ATP6V0A4: variants seen among roughly 807,000 people sequenced by gnomAD.
The protein encoded by ATP6V0A4 is V-type proton ATPase 116 kDa subunit a 4.
ATP6V0A4 carries 86 observed loss-of-function variants against 107.3 expected under a neutral mutation model. The observed-to-expected ratio is 0.80, with a 90% CI of 0.67 to 0.96. ATP6V0A4 has a LOEUF of 0.96. Among genes scored for constraint, ATP6V0A4 ranks in the 40% least tolerant of loss-of-function variants. The pLI is 0.00. For missense variants in ATP6V0A4, 908 were observed against 1,045.6 expected (o/e 0.87, Z 1.81); for synonymous variants, 353 against 381.4 (o/e 0.93, Z 0.87).
At chr7:138,711,606 C>T (rs1030452269) in intron 20 of ATP6V0A4, among the ~76,000 whole-genome samples, 5 of 152,178 alleles carry the variant, frequency 3.3e-5, no homozygotes, top group Admixed American at 2.0e-4. Flanking sequence ...GCTTGCTGCC[C>T]CCCAAGATCT....
At chr7:138,742,823 G>A (rs544078207) in intron 14 of ATP6V0A4, among the ~76,000 whole-genome samples, 24 of 146,366 alleles carry the variant, frequency 1.6e-4, no homozygotes, top group Non-Finnish European at 2.5e-4. Flanking sequence ...GTGAGCCACC[G>A]TGCTCAACCT....
intron 17 of ATP6V0A4, 72 bp from the exon 18 acceptor site, chr7:138,728,934 A>C: frequency 1.2e-6 from 2 of 1,611,208 alleles, no homozygotes; most frequent in Non-Finnish European, 8.5e-7. Context: ...GATGAAAATG[A>C]CCACTATGGG....
At chr7:138,718,102 C>CTCAGGAAGGAGTG (rs1804163722) in intron 19 of ATP6V0A4, among the ~76,000 whole-genome samples, 2 of 2,072 alleles carry the variant, frequency 9.7e-4, no homozygotes, top group Non-Finnish European at 1.8e-3. Flanking sequence ...GAATGGGGGG[C>CTCAGGAAGGAGTG]GGGGGTGCAG....
chr7:138,713,007 G>A (rs1338806425), intron 20 of ATP6V0A4, among the ~76,000 whole-genome samples: 1 of 152,076 alleles, frequency 6.6e-6, no homozygotes, highest in African/African-American at 2.4e-5. Flanking sequence ...GTAAAGACAT[G>A]CGGCCGGGCG....
chr7:138,739,730 A>G, intron 14 of ATP6V0A4, 97 bp from the exon 15 acceptor site: 1 of 1,552,706 alleles, frequency 6.4e-7, no homozygotes, highest in South Asian at 1.2e-5. Context: ...TCAAAGTCCA[A>G]CTACTGGTGC....
Position 138,763,023 on chromosome 7 carries a change from A to T in ATP6V0A4, c.294T>A (p.Thr98=), listed in dbSNP as rs150284936. 2.5e-6 allele frequency: 4 copies of T among 1,614,142 alleles called. No homozygotes were observed. In the African/African-American group the frequency reaches 5.3e-5, roughly 22 times the overall value. The change falls in exon 6 of 22, where the codon ACT becomes ACA. Residue 98 remains threonine, a splice_region_variant and synonymous_variant. Transcript: ENST00000310018. ...ACTCTCCTTCCAGTTTTTCTAGAAC[A>T]GTCTATGCAGGAAGGAAAAAGAAGG... ...PLPREMITLE[T]VLEKLEGELQ... is the part of the protein sequence containing the mutation.
chr7:138,725,459 A>G (rs530735542), intron 18 of ATP6V0A4, among the ~76,000 whole-genome samples: 16 of 152,312 alleles, frequency 1.1e-4, no homozygotes, highest in African/African-American at 3.8e-4. Flanking sequence ...ACAGTCCTGG[A>G]GGTCAGCACA....
At chr7:138,777,841 G>A (rs1393280818) in intron 2 of ATP6V0A4, among the ~76,000 whole-genome samples, 1 of 152,162 alleles carries the variant, frequency 6.6e-6, no homozygotes, top group Non-Finnish European at 1.5e-5. Flanking sequence ...ACACAGAGGT[G>A]AGTTCTCTGG....
At chr7:138,723,771 C>A (rs1804561376) in intron 18 of ATP6V0A4, among the ~76,000 whole-genome samples, 1 of 151,778 alleles carries the variant, frequency 6.6e-6, no homozygotes, top group Admixed American at 6.6e-5. Context: ...GGTGATCCAC[C>A]TGCCTCGGCC....
chr7:138,763,539 A>G (rs73166964), intron 5 of ATP6V0A4, among the ~76,000 whole-genome samples: 1 of 152,046 alleles, frequency 6.6e-6, no homozygotes, highest in African/African-American at 2.4e-5. Context: ...GAGGCAGGAG[A>G]GTTATTTGAA....
chr7:138,739,596 C>G lies in ATP6V0A4; in HGVS notation c.1516G>C (p.Asp506His). 1.9e-6 allele frequency: 3 copies of G among 1,614,126 alleles called. No homozygotes were observed. Among genetic ancestry groups the G allele is most frequent in the Non-Finnish European group, 2.5e-6 (3 of 1,180,020 alleles). Reference sequence around the variant, plus strand: ...AAATACACTCCTGGTATGGCTGGGTCCAGCTGCAGATATAGACTTTCCTCC... The same window carrying G: ...AAATACACTCCTGGTATGGCTGGGTGCAGCTGCAGATATAGACTTTCCTCC... ...VMEESLYLQL[D>H]PAIPGVYFGN... is the part of the protein sequence containing the mutation. The change falls in exon 15 of 22, where the codon GAC becomes CAC. Residue 506 changes from aspartate to histidine, a missense_variant. Coordinates refer to ENST00000310018, the MANE Select transcript of ATP6V0A4 (RefSeq NM_020632.3).
At chr7:138,744,149 C>A (rs1805781853) in intron 14 of ATP6V0A4, among the ~76,000 whole-genome samples, 1 of 152,072 alleles carries the variant, frequency 6.6e-6, no homozygotes, top group African/African-American at 2.4e-5. Context: ...ACCCACATAT[C>A]CTTACCAGGT....
At position 138,765,825 on chromosome 7, in the gene ATP6V0A4, C is replaced by T. The variant is rs145053313; in HGVS notation, c.292-2800G>A. 9.0e-3 allele frequency among the ~76,000 whole-genome samples: 1,369 copies of T among 152,300 alleles called. 10 individuals carry two copies. Among genetic ancestry groups the T allele is most frequent in the Non-Finnish European group, 0.015 (1,036 of 68,028 alleles). On this transcript the variant is annotated intron_variant, in intron 5 of 21. Transcript: ENST00000310018. ...CTAGGGTGCAGTGGTGTGAACACAG[C>T]TTACCACAGCCTCCACCTTCTGGTA...
At chr7:138,715,593 C>T (rs917438413) in intron 20 of ATP6V0A4, among the ~76,000 whole-genome samples, 171 bp downstream of exon 20, 2 of 152,218 alleles carry the variant, frequency 1.3e-5, no homozygotes, top group Admixed American at 6.5e-5. Flanking sequence ...ACCCCAGCAA[C>T]GTGCAGCCAG....
intron 19 of ATP6V0A4, among the ~76,000 whole-genome samples, chr7:138,716,098 G>C (rs771649901): frequency 6.6e-6 from 1 of 152,192 alleles, no homozygotes; most frequent in Non-Finnish European, 1.5e-5. Flanking sequence ...CTGAAAAAAA[G>C]CTCAAAGATG....
intron 19 of ATP6V0A4, among the ~76,000 whole-genome samples, chr7:138,717,186 C>T (rs934666922): frequency 6.6e-6 from 1 of 152,148 alleles, no homozygotes; most frequent in African/African-American, 2.4e-5. Flanking sequence ...ACTACCGAAG[C>T]CCCGAAGAAA....
chr7:138,775,575 C>T (rs1051521387), intron 2 of ATP6V0A4, among the ~76,000 whole-genome samples: 1 of 151,166 alleles, frequency 6.6e-6, no homozygotes, highest in African/African-American at 2.4e-5. Flanking sequence ...CTCCTGGGCT[C>T]AAGTGATCCT....
At chr7:138,756,381 G>A (rs1458772010) in intron 9 of ATP6V0A4, 77 bp downstream of exon 9, 2 of 1,607,964 alleles carry the variant, frequency 1.2e-6, no homozygotes, top group South Asian at 1.1e-5. Flanking sequence ...CCACAGTCAT[G>A]TGCATTTGGC....
chr7:138,728,473 C>T (rs1804827700), intron 18 of ATP6V0A4, among the ~76,000 whole-genome samples: 1 of 151,962 alleles, frequency 6.6e-6, no homozygotes, highest in African/African-American at 2.4e-5. Flanking sequence ...GTGATCCACC[C>T]GCCTCGGCCT....
Sources: allele counts gnomAD v4.1 joint callset (sites outside exome capture counted in the v4.1 genomes callset), GRCh38; gene constraint gnomAD v4.1.1; transcripts MANE v1.5; gene names NCBI Gene and HGNC (gene_info 2026-07-23, HGNC 2026-07-21).